Variants in ERBB4 observed in about 807,000 individuals in gnomAD.
ERBB4 encodes receptor tyrosine-protein kinase erbB-4.
Under a neutral mutation model 158.0 loss-of-function variants are expected in ERBB4, and 42 were observed. The ratio of observed to expected loss-of-function variants is 0.27; its 90% confidence interval spans 0.21 to 0.34. ERBB4 has a LOEUF of 0.34. ERBB4 is among the 10% of genes least tolerant of loss of function. The probability of loss-of-function intolerance (pLI) is 1.00; values close to 1 mark genes in which losing one functional copy is unlikely to be tolerated. For synonymous variants in ERBB4, 583 were observed against 558.7 expected (o/e 1.04, Z -0.61); for missense variants, 1,333 against 1,624.1 (o/e 0.82, Z 3.08).
intron 1 of ERBB4, among the ~76,000 whole-genome samples, chr2:212,433,120 T>C (rs902021282): frequency 6.6e-6 from 1 of 152,072 alleles, no homozygotes; most frequent in African/African-American, 2.4e-5. Flanking sequence ...TATTATGCAT[T>C]CTTAAAGCAC....
At chr2:211,476,018 C>T (rs2064944454) in intron 20 of ERBB4, among the ~76,000 whole-genome samples, 1 of 152,054 alleles carries the variant, frequency 6.6e-6, no homozygotes, top group South Asian at 2.1e-4. Context: ...ATATTACGAT[C>T]ACCATAAAAA....
chr2:212,095,273 C>T (rs1237776736), intron 2 of ERBB4, among the ~76,000 whole-genome samples: 1 of 152,150 alleles, frequency 6.6e-6, no homozygotes, highest in Non-Finnish European at 1.5e-5. Flanking sequence ...GTGTGTTATT[C>T]CCCCACTTAT....
At chr2:212,339,984 G>T (rs2088626436) in intron 1 of ERBB4, among the ~76,000 whole-genome samples, 1 of 151,860 alleles carries the variant, frequency 6.6e-6, no homozygotes, top group Admixed American at 6.6e-5. Flanking sequence ...AAATGACAGA[G>T]CAGAGCTTTT....
At position 211,935,147 on chromosome 2, in the gene ERBB4, G is replaced by A. The variant is rs1451347297; in HGVS notation, c.421+12283C>T. 9.9e-5 allele frequency among the ~76,000 whole-genome samples: 15 copies of A among 152,030 alleles called. No individual in the cohort carries two copies. In the East Asian group the frequency reaches 1.5e-3, roughly 16 times the overall value. ...CTATAAATTATTGTATGCCCTCCTT[G>A]TGGTATATTACTTAATATTTTTAAG... On this transcript the variant is annotated intron_variant, in intron 3 of 27. Coordinates refer to ENST00000342788, the MANE Select transcript of ERBB4 (RefSeq NM_005235.3).
At chr2:211,948,375 G>A (rs1401567321) in intron 2 of ERBB4, among the ~76,000 whole-genome samples, 1 of 142,142 alleles carries the variant, frequency 7.0e-6, no homozygotes, top group East Asian at 2.1e-4. Context: ...GGCGGAGGCT[G>A]CAGTGAGCCA....
chr2:212,430,962 A>G (rs77257332), intron 1 of ERBB4, among the ~76,000 whole-genome samples: 13,700 of 152,112 alleles, frequency 0.09, 638 homozygotes, highest in South Asian at 0.14. Context: ...ACCTGGTCAC[A>G]TTGATGTAAA....
chr2:211,804,302 A>G (rs2076564571), intron 3 of ERBB4, among the ~76,000 whole-genome samples: 1 of 152,220 alleles, frequency 6.6e-6, no homozygotes, highest in East Asian at 1.9e-4. Flanking sequence ...AGTCAGGGAT[A>G]TGTTCCCAAG....
At chr2:212,001,447 C>T (rs2076102030) in intron 2 of ERBB4, among the ~76,000 whole-genome samples, 2 of 152,104 alleles carry the variant, frequency 1.3e-5, no homozygotes, top group Non-Finnish European at 2.9e-5. Flanking sequence ...TATTTATTTT[C>T]TGTGGCCATT....
At chr2:212,076,842 A>C (rs2078289680) in intron 2 of ERBB4, among the ~76,000 whole-genome samples, 2 of 152,074 alleles carry the variant, frequency 1.3e-5, no homozygotes, top group South Asian at 4.1e-4. Context: ...AGACAGCTTA[A>C]GAGAGTAAAA....
rs67133944 is a variant in ERBB4, at chr2:211,861,350, GT to G, written c.422-73192del. ...GTGTTTTTTTTTTTGTTTTTTTTTT[GT>G]TTTTTTTTTTTTTTTTTTACTTTTA... On this transcript the variant is annotated intron_variant, in intron 3 of 27. Transcript: ENST00000342788. 1.3e-3 allele frequency among the ~76,000 whole-genome samples: 117 copies of G among 88,948 alleles called. 1 individual carries two copies. Among genetic ancestry groups the G allele is most frequent in the African/African-American group, 2.4e-3 (58 of 24,072 alleles). The allele number at this position is 88,948 out of a possible 152,430, so 58.4% of individuals were successfully genotyped here. A position where few individuals can be genotyped will look rare whatever the true frequency, so the allele number is the denominator to read the frequency against.
At position 211,376,479 on chromosome 2, in the gene ERBB4, G is replaced by C. The variant is rs963290107; in HGVS notation, c.*7136C>G. 6.0e-5 allele frequency: 14 copies of C among 232,604 alleles called. No individual in the cohort carries two copies. Among genetic ancestry groups the C allele is most frequent in the African/African-American group, 3.1e-4 (14 of 45,260 alleles). The allele number at this position is 232,604 out of a possible 1,614,324, so 14.4% of individuals were successfully genotyped here. A position where few individuals can be genotyped will look rare whatever the true frequency, so the allele number is the denominator to read the frequency against. ...AAAAAGGCAGCTAACTTTGAATGCA[G>C]GGATTTAAATAAAACATTGATGGCT... is the stretch of plus-strand genomic sequence containing the variant. On this transcript the variant is annotated 3_prime_UTR_variant, in exon 28 of 28. Coordinates refer to ENST00000342788, the MANE Select transcript of ERBB4 (RefSeq NM_005235.3).
At chr2:211,750,604 A>G in intron 5 of ERBB4, 35 bp downstream of exon 5, 3 of 1,584,366 alleles carry the variant, frequency 1.9e-6, no homozygotes, top group Non-Finnish European at 2.6e-6. Flanking sequence ...CCTTGACCAC[A>G]TCAAACCTGT....
At chr2:211,965,322 T>C (rs144600543) in intron 2 of ERBB4, among the ~76,000 whole-genome samples, 258 of 152,300 alleles carry the variant, frequency 1.7e-3, no homozygotes, top group Admixed American at 5.0e-3. Flanking sequence ...TAAATGGAAA[T>C]AGTTTAAATC....
chr2:212,073,103 G>A (rs1346721286), intron 2 of ERBB4, among the ~76,000 whole-genome samples: 2 of 151,826 alleles, frequency 1.3e-5, no homozygotes, highest in South Asian at 2.1e-4. Context: ...AGGCCTGGAG[G>A]TGGAAGGAAG....
At chr2:211,584,984 T>C (rs2125779650) in intron 19 of ERBB4, among the ~76,000 whole-genome samples, 1 of 152,074 alleles carries the variant, frequency 6.6e-6, no homozygotes. Context: ...ATATCACGTA[T>C]CAATAAAAAT....
At chr2:212,387,558 C>T (rs146393601) in intron 1 of ERBB4, among the ~76,000 whole-genome samples, 6,491 of 151,788 alleles carry the variant, frequency 0.043, 187 homozygotes, top group South Asian at 0.07. Context: ...GCTGGGATTA[C>T]GGGCACACAC....
intron 19 of ERBB4, among the ~76,000 whole-genome samples, chr2:211,588,357 A>C (rs1226904381): frequency 6.6e-6 from 1 of 152,106 alleles, no homozygotes; most frequent in South Asian, 2.1e-4. Flanking sequence ...TCAAAAAATA[A>C]ATTAAAACAA....
chr2:211,694,249 T>C (rs1035679448), intron 12 of ERBB4, among the ~76,000 whole-genome samples: 2 of 152,114 alleles, frequency 1.3e-5, no homozygotes, highest in Non-Finnish European at 2.9e-5. Context: ...GAGCCTAGCT[T>C]TTGCATTTTT....
At chr2:211,385,934 A>G (rs1045788009) in intron 27 of ERBB4, among the ~76,000 whole-genome samples, 1 of 152,210 alleles carries the variant, frequency 6.6e-6, no homozygotes, top group African/African-American at 2.4e-5. Flanking sequence ...TTATATGTAT[A>G]GAAGTTTTAG....
Sources: allele counts gnomAD v4.1 joint callset (sites outside exome capture counted in the v4.1 genomes callset), GRCh38; gene constraint gnomAD v4.1.1; transcripts MANE v1.5; gene names NCBI Gene and HGNC (gene_info 2026-07-23, HGNC 2026-07-21).